The following USP30 variants were observed in gnomAD, a reference collection of about 807,000 sequenced individuals.
USP30 encodes the protein ubiquitin carboxyl-terminal hydrolase 30.
In USP30, 41 loss-of-function variants were observed where a neutral mutation model predicts 68.2. The ratio of observed to expected loss-of-function variants is 0.60; its 90% confidence interval spans 0.47 to 0.78. The LOEUF (loss-of-function observed/expected upper bound fraction) is 0.78, where lower values mean the gene tolerates loss of function less well. USP30 is among the 30% of genes least tolerant of loss of function. The pLI is 0.00. For synonymous variants in USP30, 229 were observed against 253.7 expected, an observed-to-expected ratio of 0.90 and a Z score of 0.93; for missense variants, 522 against 649.4, an observed-to-expected ratio of 0.80 and a Z score of 2.13.
At chr12:109,076,466 A>T (rs2041611157) in intron 7 of USP30, among the ~76,000 whole-genome samples, 1 of 151,710 alleles carries the variant, frequency 6.6e-6, no homozygotes, top group South Asian at 2.1e-4. Flanking sequence ...GTACAAAGTT[A>T]AATAAGAGTG....
At chr12:109,030,816 A>G (rs947080921) in intron 3 of USP30, among the ~76,000 whole-genome samples, 1 of 152,128 alleles carries the variant, frequency 6.6e-6, no homozygotes, top group Non-Finnish European at 1.5e-5. Flanking sequence ...GGGTTTCACC[A>G]TCTTGGCCAG....
At chr12:109,044,943 T>C (rs953816386) in intron 3 of USP30, among the ~76,000 whole-genome samples, 13 of 151,722 alleles carry the variant, frequency 8.6e-5, no homozygotes, top group African/African-American at 3.1e-4. Context: ...TTTCTGATTA[T>C]AGTTTTAATC....
chr12:109,046,404 C>T (rs1460852358), intron 3 of USP30, among the ~76,000 whole-genome samples: 1 of 142,752 alleles, frequency 7.0e-6, no homozygotes, highest in Non-Finnish European at 1.5e-5. Flanking sequence ...TGAGCCATTG[C>T]ACCCAGCCCA....
intron 8 of USP30, 22 bp from the exon 9 acceptor site, chr12:109,081,911 T>C (rs768070273): frequency 1.2e-6 from 2 of 1,610,530 alleles, no homozygotes; most frequent in Admixed American, 1.7e-5. Context: ...ATTGTAGTAA[T>C]TTTCTTCTTC....
chr12:109,057,931 G>A lies in USP30; in HGVS notation c.199G>A (p.Val67Met). The A allele has an allele frequency of 6.2e-7, 1 of 1,610,110 alleles. No homozygotes were observed. Among genetic ancestry groups the A allele is most frequent in the Non-Finnish European group, 8.5e-7 (1 of 1,178,702 alleles). The change falls in exon 3 of 13, where the codon GTG becomes ATG. Residue 67 changes from valine (V) to methionine (M), a missense_variant. Coordinates refer to ENST00000257548, the MANE Select transcript of USP30 (RefSeq NM_032663.5). ...TCCCCCTGCTTTTTTTTTAGGGCTT[G>A]TGCCTGGCCTTGTTAATTTAGGGAA... ...TERKKRRKGL[V>M]PGLVNLGNTC...
At chr12:109,056,054 G>T (rs149229739) in intron 1 of USP30, among the ~76,000 whole-genome samples, 226 of 152,294 alleles carry the variant, frequency 1.5e-3, no homozygotes, top group Middle Eastern at 6.8e-3. Context: ...ACGCCTTGAG[G>T]TCAGAGCATT....
In USP30 at chr12:109,070,786, G is replaced by A. The variant is rs1208482609; in HGVS notation, c.481-826G>A. ...TTGGATCCAGCAACCCCGCTGCTGG[G>A]TACAAACCAAAAGAATTCAAAGCAG... On this transcript the variant is annotated intron_variant, in intron 4 of 12. Transcript: ENST00000257548. The surrounding 1 kb of genome is among the most constrained non-coding windows in gnomAD (Gnocchi z 4.0). Among the ~76,000 whole-genome samples, 2 of 152,068 alleles carry A rather than the reference G, an allele frequency of 1.3e-5. No individual in the cohort carries two copies. Among genetic ancestry groups the A allele is most frequent in the East Asian group, 3.9e-4 (2 of 5,190 alleles).
chr12:109,054,786 G>T (rs527922062), intron 1 of USP30: 1 of 152,266 alleles, frequency 6.6e-6, no homozygotes, highest in Non-Finnish European at 1.5e-5. Flanking sequence ...GATTGAACCA[G>T]AATAAGGTAA....
At chr12:109,044,492 C>T (rs984000616) in intron 3 of USP30, among the ~76,000 whole-genome samples, 3 of 151,612 alleles carry the variant, frequency 2.0e-5, no homozygotes, top group East Asian at 3.9e-4. Context: ...GAAAAATCAG[C>T]CAGGCACAAA....
chr12:109,043,512 A>C (rs543118434), intron 3 of USP30, among the ~76,000 whole-genome samples: 2 of 152,322 alleles, frequency 1.3e-5, no homozygotes, highest in South Asian at 4.1e-4. Flanking sequence ...TTCTGGGAAA[A>C]CTGGATATCT....
At chr12:109,055,367 C>CATATATATAT in intron 1 of USP30, among the ~76,000 whole-genome samples, 2 of 92,276 alleles carry the variant, frequency 2.2e-5, no homozygotes, top group South Asian at 3.7e-4. Context: ...TATACACACA[C>CATATATATAT]ACATATATAT....
At chr12:109,025,390 G>A (rs530503538) in intron 2 of USP30, among the ~76,000 whole-genome samples, 19 of 151,788 alleles carry the variant, frequency 1.3e-4, no homozygotes, top group South Asian at 6.2e-4. Context: ...TTGTCTATCC[G>A]GAGAGCTCTG....
Position 109,081,411 on chromosome 12 carries a change from GT to G in USP30, c.780+21del, listed in dbSNP as rs1475486254. The G allele has an allele frequency of 4.3e-6, 7 of 1,612,952 alleles. No individual in the cohort carries two copies. In the East Asian group the frequency reaches 1.3e-4, roughly 31 times the overall value. The stretch of plus-strand genomic sequence containing the variant: ...CCACATGGGTATGTACTGATTTATG[GT>G]TTATTTGGAGTCTGTTTCAGAAACA... On this transcript the variant is annotated intron_variant, in intron 8 of 12. Transcript: ENST00000257548.
intron 1 of USP30, 104 bp from the exon 2 acceptor site, chr12:109,056,578 G>A: frequency 1.5e-6 from 1 of 679,148 alleles, no homozygotes; most frequent in Non-Finnish European, 2.5e-6. Flanking sequence ...CTTGCAATTA[G>A]GTATTTGGTG....
rs1431630080 is a variant in USP30, at chr12:109,073,434, C to T, written c.626-4C>T. The T allele has an allele frequency of 3.7e-6, 6 of 1,612,690 alleles. No individual in the cohort carries two copies. Among genetic ancestry groups the T allele is most frequent in the Non-Finnish European group, 5.1e-6 (6 of 1,178,792 alleles). On this transcript the variant is annotated splice_polypyrimidine_tract_variant and splice_region_variant and intron_variant, in intron 6 of 12. Coordinates refer to ENST00000257548, the MANE Select transcript of USP30 (RefSeq NM_032663.5). The stretch of plus-strand genomic sequence containing the variant: ...GACATATCAAAAAACTTTTTGCATT[C>T]CAGGGTCACCTCACCCTACATCCAA...
chr12:109,032,824 T>A (rs887514091), intron 3 of USP30, among the ~76,000 whole-genome samples: 1 of 152,214 alleles, frequency 6.6e-6, no homozygotes, highest in African/African-American at 2.4e-5. Flanking sequence ...ACATTATCCA[T>A]CTGTCTAGGA....
intron 2 of USP30, among the ~76,000 whole-genome samples, chr12:109,025,323 T>C (rs1169016498): frequency 6.6e-6 from 1 of 151,980 alleles, no homozygotes; most frequent in Non-Finnish European, 1.5e-5. Flanking sequence ...AGATACCTTA[T>C]ATTTATATCT....
intron 3 of USP30, among the ~76,000 whole-genome samples, chr12:109,059,269 A>G (rs2040981168): frequency 6.6e-6 from 1 of 152,116 alleles, no homozygotes; most frequent in Non-Finnish European, 1.5e-5. Context: ...ATCTCAGCTC[A>G]CTGCAACCTT....
At chr12:109,040,153 G>A (rs2040553636) in intron 3 of USP30, among the ~76,000 whole-genome samples, 1 of 151,810 alleles carries the variant, frequency 6.6e-6, no homozygotes, top group South Asian at 2.1e-4. Context: ...AAATAGTGAA[G>A]GTAAAGTCTA....
Sources: allele counts gnomAD v4.1 joint callset (sites outside exome capture counted in the v4.1 genomes callset), GRCh38; gene constraint gnomAD v4.1.1; non-coding constraint Gnocchi (gnomAD v3.1); transcripts MANE v1.5; gene names NCBI Gene and HGNC (gene_info 2026-07-23, HGNC 2026-07-21).